The following CPNE7 variants were observed in gnomAD, a reference collection of about 807,000 sequenced individuals.
CPNE7 encodes the protein copine 7.
In CPNE7, 78 loss-of-function variants were observed where a neutral mutation model predicts 66.5. The observed-to-expected ratio is 1.17, with a 90% confidence interval of 0.98 to 1.42. The LOEUF (loss-of-function observed/expected upper bound fraction) is 1.42, where lower values mean the gene tolerates loss of function less well. Among genes scored for constraint, CPNE7 ranks in the 40% most tolerant of loss-of-function variants. CPNE7 has a pLI of 0.00. For synonymous variants in CPNE7, 468 were observed against 336.7 expected (o/e 1.39, Z -4.27); for missense variants, 1,012 against 776.6 (o/e 1.30, Z -3.60).
rs1411652408 is a variant in CPNE7, at chr16:89,596,785, C to G, written c.*164C>G. ...TGGGATCCTGCTGGCTTGGGCCCGG[C>G]TCTGGGGCCCCCAAGGCCGAAGGGT... On this transcript the variant is annotated 3_prime_UTR_variant, in exon 15 of 15. Transcript: ENST00000319518. 3 of 959,156 alleles carry G rather than the reference C, an allele frequency of 3.1e-6. No individual in the cohort carries two copies. The African/African-American group carries it at 5.1e-5, about 16-fold the overall frequency. 59.4% of individuals were successfully genotyped at this position (959,156 alleles called of 1,614,324 possible).
Position 89,588,965 on chromosome 16 carries a change from C to T in CPNE7, c.1061+157C>T, listed in dbSNP as rs372145836. On this transcript the variant is annotated intron_variant, in intron 10 of 14. Transcript: ENST00000319518. Reference sequence around the variant, plus strand: ...CCCCCCTGGGCTCCAGGTCAGGCCTCGGGGCACCATGAGGTGGGCACTGTG... The same window carrying T: ...CCCCCCTGGGCTCCAGGTCAGGCCTTGGGGCACCATGAGGTGGGCACTGTG... Among the ~76,000 whole-genome samples the T allele has an allele frequency of 2.0e-4, 30 of 152,178 alleles. 1 individual carries two copies. The highest frequency in any genetic ancestry group is 5.8e-4 in the East Asian group (3 of 5,174).
chr16:89,593,934 C>T (rs1228653283), intron 13 of CPNE7, among the ~76,000 whole-genome samples: 1 of 152,158 alleles, frequency 6.6e-6, no homozygotes, highest in African/African-American at 2.4e-5. Flanking sequence ...TCAGTATCAG[C>T]GTCTAATAAA....
chr16:89,588,543 C>A, intron 9 of CPNE7, 132 bp from the exon 10 acceptor site: 1 of 1,106,650 alleles, frequency 9.0e-7, no homozygotes, highest in Non-Finnish European at 1.3e-6. Flanking sequence ...CAACAGCAGC[C>A]CCCCAGCCCT....
At chr16:89,589,414 C>T (rs1003806554) in intron 10 of CPNE7, among the ~76,000 whole-genome samples, 1 of 152,230 alleles carries the variant, frequency 6.6e-6, no homozygotes, top group Non-Finnish European at 1.5e-5. Flanking sequence ...ACCGAAGTCA[C>T]AGAGGCTTGG....
intron 9 of CPNE7, 116 bp from the exon 10 acceptor site, chr16:89,588,559 C>A: frequency 7.5e-7 from 1 of 1,328,760 alleles, no homozygotes. Flanking sequence ...GCCCTACCCA[C>A]CTACGCGACC....
intron 9 of CPNE7, 45 bp from the exon 10 acceptor site, chr16:89,588,630 G>T: frequency 6.2e-7 from 1 of 1,609,762 alleles, no homozygotes. Flanking sequence ...AGCGGGTTCG[G>T]GGAGCCCCGG....
Position 89,577,682 on chromosome 16 carries a change from G to A in CPNE7, c.318G>A (p.Glu106=). The A allele has an allele frequency of 1.9e-6, 3 of 1,601,314 alleles. No individual in the cohort carries two copies. The highest frequency in any genetic ancestry group is 2.6e-6 in the Non-Finnish European group (3 of 1,174,292). The part of the protein sequence containing the change: ...THGPSGFSCQ[E]DDFLGGMECT... ...GGCCCAGCGGCTTCAGCTGTCAGGA[G>A]GACGATTTCCTGGGGGGCATGGAGT... The change falls in exon 2 of 15, where the codon GAG becomes GAA. Residue 106 remains glutamate, a synonymous_variant. Coordinates refer to ENST00000319518, the MANE Select transcript of CPNE7 (RefSeq NM_153636.3).
At chr16:89,591,315 C>T (rs979656298) in intron 13 of CPNE7, 55 bp downstream of exon 13, 10 of 1,488,222 alleles carry the variant, frequency 6.7e-6, no homozygotes, top group South Asian at 1.3e-5. Flanking sequence ...TGTGTGTGCA[C>T]CAGCGCGTGG....
intron 7 of CPNE7, among the ~76,000 whole-genome samples, chr16:89,586,043 T>C (rs1173812706): frequency 1.3e-4 from 5 of 39,142 alleles, no homozygotes; most frequent in Non-Finnish European, 2.4e-4. Flanking sequence ...GGAGGGGGCA[T>C]TCAGGGAGGG....
rs1443099407 is a variant in CPNE7, at chr16:89,575,949, G to T, written c.52G>T (p.Ala18Ser). 1.5e-6 allele frequency: 2 copies of T among 1,338,780 alleles called. No homozygotes were observed. Among genetic ancestry groups the T allele is most frequent in the Non-Finnish European group, 1.9e-6 (2 of 1,044,536 alleles). The allele number at this position is 1,338,780 out of a possible 1,614,324, so 82.9% of individuals were successfully genotyped here. The change falls in exon 1 of 15, where the codon GCG becomes TCG. Residue 18 changes from alanine to serine, a missense_variant. Ala to Ser is a moderately conservative substitution (Grantham distance 99). Transcript: ENST00000319518. ...GAAATPGGLP[A>S]PCASKVELRL... is the part of the protein sequence containing the mutation. ...GGCGGCAACCCCCGGGGGTTTGCCCGCGCCCTGCGCCTCGAAGGTGGAGCT... is the reference window on the plus strand; with the variant it reads ...GGCGGCAACCCCCGGGGGTTTGCCCTCGCCCTGCGCCTCGAAGGTGGAGCT...
At chr16:89,588,280 G>C (rs1390427107) in intron 9 of CPNE7, among the ~76,000 whole-genome samples, 1 of 152,248 alleles carries the variant, frequency 6.6e-6, no homozygotes, top group East Asian at 1.9e-4. Context: ...GTGTTTTGTT[G>C]AACGAGCCCC....
intron 2 of CPNE7, among the ~76,000 whole-genome samples, chr16:89,582,882 G>A (rs764587000): frequency 2.0e-5 from 3 of 152,264 alleles, no homozygotes; most frequent in Non-Finnish European, 2.9e-5. Context: ...GATCACTTAC[G>A]TGTGAGGAGA....
intron 14 of CPNE7, 95 bp downstream of exon 14, chr16:89,595,698 A>C: frequency 9.1e-7 from 1 of 1,094,202 alleles, no homozygotes; most frequent in East Asian, 2.4e-5. Context: ...ACGCCAGTGG[A>C]TGTGGCAGGT....
intron 11 of CPNE7, 129 bp from the exon 12 acceptor site, chr16:89,590,878 G>A (rs1308161032): frequency 1.6e-5 from 14 of 870,700 alleles, no homozygotes; most frequent in Admixed American, 4.6e-5. Context: ...ACATGAGGGC[G>A]GGGACGGGGG....
chr16:89,595,028 C>T (rs777501401), intron 13 of CPNE7, among the ~76,000 whole-genome samples: 23 of 152,080 alleles, frequency 1.5e-4, no homozygotes, highest in Non-Finnish European at 2.8e-4. Flanking sequence ...GGTCTGGCTC[C>T]TGGGATCGCA....
chr16:89,595,403 G>A lies in CPNE7; in HGVS notation c.1339G>A (p.Val447Met). ...YILLILTDGV[V>M]TDMADTREAI... ...CCTGCTGATCCTGACGGACGGCGTG[G>A]TGACCGACATGGCCGACACACGGGA... Residue 447 changes from valine to methionine, a missense_variant, in exon 14 of 15, where the codon GTG becomes ATG. Physicochemically the swap from Val to Met is conservative, Grantham distance 21. Coordinates refer to ENST00000319518, the MANE Select transcript of CPNE7 (RefSeq NM_153636.3). 1.3e-6 allele frequency: 2 copies of A among 1,596,620 alleles called. No homozygotes were observed. Among genetic ancestry groups the A allele is most frequent in the Non-Finnish European group, 1.7e-6 (2 of 1,168,296 alleles).
At chr16:89,586,915 TGG>T in intron 8 of CPNE7, 126 bp from the exon 9 acceptor site, 1 of 1,094,628 alleles carries the variant, frequency 9.1e-7, no homozygotes, top group Non-Finnish European at 1.4e-6. Context: ...GGAGAGAGGA[TGG>T]GGGAGAGGAG....
In CPNE7 at chr16:89,584,422, C is replaced by T. The variant is rs62068676; in HGVS notation, c.507+320C>T. Among the ~76,000 whole-genome samples, 9,078 of 152,280 alleles carry T rather than the reference C, an allele frequency of 0.06. 423 individuals carry two copies. Among genetic ancestry groups the T allele is most frequent in the Admixed American group, 0.11 (1,697 of 15,304 alleles). Reference sequence around the variant, plus strand: ...CGTGACAGGAGGAACTGGAACAGCGCGCGGTTCTGCGGGCTCGTCACGTGG... The same window carrying T: ...CGTGACAGGAGGAACTGGAACAGCGTGCGGTTCTGCGGGCTCGTCACGTGG... On this transcript the variant is annotated intron_variant, in intron 4 of 14. Coordinates refer to ENST00000319518, the MANE Select transcript of CPNE7 (RefSeq NM_153636.3). The surrounding 1 kb of genome is among the most constrained non-coding windows in gnomAD (Gnocchi z 6.0).
intron 3 of CPNE7, 37 bp from the exon 4 acceptor site, chr16:89,583,991 C>T (rs1266442731): frequency 8.1e-6 from 13 of 1,609,536 alleles, no homozygotes; most frequent in Non-Finnish European, 1.1e-5. Context: ...TCAGGCCCCA[C>T]CTGGCCAAGC....
Sources: gnomAD v4.1 joint callset for allele counts (sites outside exome capture counted in the v4.1 genomes callset) on GRCh38, gnomAD v4.1.1 for gene constraint, Gnocchi (gnomAD v3.1) non-coding constraint, MANE v1.5 for transcripts, NCBI Gene and HGNC (gene_info 2026-07-23, HGNC 2026-07-21) for gene names.